The following CUL4A variants were observed in gnomAD, a reference collection of about 807,000 sequenced individuals.
CUL4A encodes the protein cullin 4A.
CUL4A carries 16 observed loss-of-function variants against 95.5 expected under a neutral mutation model. The ratio of observed to expected loss-of-function variants is 0.17; its 90% CI spans 0.11 to 0.25. The LOEUF (loss-of-function observed/expected upper bound fraction) is 0.25, where lower values mean the gene tolerates loss of function less well. CUL4A is among the 10% of genes least tolerant of loss of function. The pLI is 1.00. For missense variants in CUL4A, 610 were observed against 937.0 expected (o/e 0.65, Z 4.56); for synonymous variants, 380 against 353.1 (o/e 1.08, Z -0.85).
chr13:113,238,801 G>T lies in CUL4A; in HGVS notation c.917-632G>T, dbSNP rs117008455. Among the ~76,000 whole-genome samples, 318 of 152,260 alleles carry T rather than the reference G, an allele frequency of 2.1e-3. 3 individuals are homozygous for T. The East Asian group carries it at 0.036, about 17-fold the overall frequency. ...GTGTAGGCAGAATCTGAGACTTTGT[G>T]AATTGTATGACTGTTCACCATTTTA... On this transcript the variant is annotated intron_variant, in intron 9 of 19. Transcript: ENST00000375440.
chr13:113,210,626 T>G (rs1249865725), intron 2 of CUL4A, among the ~76,000 whole-genome samples: 1 of 152,256 alleles, frequency 6.6e-6, no homozygotes, highest in Non-Finnish European at 1.5e-5. Flanking sequence ...GTGTTCCGTT[T>G]CTGAAGTAAC....
chr13:113,264,305 A>G lies in CUL4A; in HGVS notation c.*723A>G, dbSNP rs925040472. 20 of 152,078 alleles carry G rather than the reference A, an allele frequency of 1.3e-4. No individual in the cohort carries two copies. The highest frequency in any genetic ancestry group is 4.3e-4 in the African/African-American group (18 of 41,394). The allele number at this position is 152,078 out of a possible 1,614,324, so 9.4% of individuals were successfully genotyped here. A position where few individuals can be genotyped will look rare whatever the true frequency, so the allele number is the denominator to read the frequency against. ...TTGGGGCTAGTGTGTTTGTGTTTCCATTCTAAGATTGAGTCTGGCAGTCCC... is the reference window on the plus strand; with the variant it reads ...TTGGGGCTAGTGTGTTTGTGTTTCCGTTCTAAGATTGAGTCTGGCAGTCCC... On this transcript the variant is annotated 3_prime_UTR_variant, in exon 20 of 20. Transcript: ENST00000375440.
At chr13:113,229,318 C>A in intron 4 of CUL4A, 128 bp from the exon 5 acceptor site, 3 of 690,278 alleles carry the variant, frequency 4.3e-6, no homozygotes, top group East Asian at 2.8e-5. Flanking sequence ...AAAAATAAAA[C>A]ATGAGGGCTG....
In CUL4A at chr13:113,246,012, A is replaced by G. The variant is rs753744152; in HGVS notation, c.1587A>G (p.Thr529=). 11 of 1,614,060 alleles carry G rather than the reference A, an allele frequency of 6.8e-6. No homozygotes were observed. The South Asian group carries it at 1.2e-4, about 18-fold the overall frequency. ...TAGACCTCACAGTGAACATACTCAC[A>G]ATGGGCTACTGGCCAACATACACGC... ...GPIDLTVNIL[T]MGYWPTYTPM... Residue 529 remains threonine (T), a synonymous_variant, in exon 15 of 20, where the codon ACA becomes ACG. Transcript: ENST00000375440.
At position 113,246,079 on chromosome 13, in the gene CUL4A, G is replaced by A. The variant is rs758683146; in HGVS notation, c.1638+16G>A. The A allele has an allele frequency of 5.0e-6, 8 of 1,591,216 alleles. No individual in the cohort carries two copies. Among genetic ancestry groups the A allele is most frequent in the South Asian group, 1.1e-5 (1 of 90,282 alleles). On this transcript the variant is annotated intron_variant, in intron 15 of 19. Transcript: ENST00000375440. ...AACCCCAGAAGTAAGTGTGCAGAAAGCATGCTGTCCGCTCCCGCTGTCATG... is the reference window on the plus strand; with the variant it reads ...AACCCCAGAAGTAAGTGTGCAGAAAACATGCTGTCCGCTCCCGCTGTCATG...
chr13:113,236,824 A>G lies in CUL4A; in HGVS notation c.850A>G (p.Lys284Glu), dbSNP rs1406306862. The change falls in exon 9 of 20, where the codon AAA becomes GAA. Residue 284 changes from lysine (K) to glutamate (E), a missense_variant and splice_region_variant. This residue lies in a region of CUL4A where 153 missense variants were observed against 244.5 expected (regional missense o/e 0.63). Transcript: ENST00000375440. ...VITYLDHSTQ[K>E]PLIACVEKQL... is the part of the protein sequence containing the mutation. ...GCTTATTCTTTTTACCTTATATAGG[A>G]AACCACTGATTGCTTGTGTGGAGAA... is the stretch of plus-strand genomic sequence containing the variant. The G allele has an allele frequency of 1.2e-6, 2 of 1,605,052 alleles. No homozygotes were observed. Among genetic ancestry groups the G allele is most frequent in the Non-Finnish European group, 1.7e-6 (2 of 1,173,298 alleles).
At chr13:113,215,691 G>A (rs563439108) in intron 2 of CUL4A, among the ~76,000 whole-genome samples, 15 of 149,858 alleles carry the variant, frequency 1.0e-4, no homozygotes, top group African/African-American at 2.5e-4. Flanking sequence ...TGGAGGTCGC[G>A]TCCCATGTGG....
At chr13:113,250,262 G>T (rs2041959917) in intron 15 of CUL4A, among the ~76,000 whole-genome samples, 1 of 152,072 alleles carries the variant, frequency 6.6e-6, no homozygotes, top group South Asian at 2.1e-4. Context: ...GAACAGCCTA[G>T]ACGACATGGT....
chr13:113,258,252 A>G (rs1295151794), intron 18 of CUL4A, among the ~76,000 whole-genome samples: 1 of 152,020 alleles, frequency 6.6e-6, no homozygotes. Context: ...TGACCCCCCA[A>G]AGTGCTGGGA....
At chr13:113,247,618 G>C (rs576086991) in intron 15 of CUL4A, among the ~76,000 whole-genome samples, 4 of 152,096 alleles carry the variant, frequency 2.6e-5, no homozygotes, top group Non-Finnish European at 4.4e-5. Context: ...GAGAACTTTG[G>C]GGGAGAAGGT....
chr13:113,237,276 A>G (rs1455531171), intron 9 of CUL4A, among the ~76,000 whole-genome samples: 1 of 152,140 alleles, frequency 6.6e-6, no homozygotes, highest in Non-Finnish European at 1.5e-5. Flanking sequence ...TCGGGCTGTT[A>G]GATTTTCGTG....
At chr13:113,228,537 C>T (rs921523926) in intron 4 of CUL4A, among the ~76,000 whole-genome samples, 5 of 152,060 alleles carry the variant, frequency 3.3e-5, no homozygotes, top group African/African-American at 7.2e-5. Flanking sequence ...CAGTAGGAGA[C>T]GATGGGTGTA....
intron 18 of CUL4A, among the ~76,000 whole-genome samples, chr13:113,259,482 G>A (rs548182489): frequency 1.8e-4 from 27 of 152,252 alleles, no homozygotes; most frequent in African/African-American, 6.5e-4. Flanking sequence ...TTTGCTGTTT[G>A]TTTCTGATAA....
intron 16 of CUL4A, among the ~76,000 whole-genome samples, chr13:113,254,284 G>A (rs1287772895): frequency 6.6e-6 from 1 of 152,124 alleles, no homozygotes; most frequent in Non-Finnish European, 1.5e-5. Context: ...GATATATAAG[G>A]CCAAATTGCA....
At chr13:113,233,409 C>G (rs2041428759) in intron 6 of CUL4A, 70 bp downstream of exon 6, 1 of 1,394,422 alleles carries the variant, frequency 7.2e-7, no homozygotes, top group South Asian at 1.3e-5. Flanking sequence ...AATGGTTGTA[C>G]CAAAGATGTT....
intron 2 of CUL4A, among the ~76,000 whole-genome samples, chr13:113,211,569 G>C (rs2040446303): frequency 6.6e-6 from 1 of 152,148 alleles, no homozygotes; most frequent in African/African-American, 2.4e-5. Context: ...ATTTTTAGTA[G>C]AGTCGGGGTT....
At chr13:113,226,155 A>G (rs2041097770) in intron 3 of CUL4A, among the ~76,000 whole-genome samples, 1 of 152,114 alleles carries the variant, frequency 6.6e-6, no homozygotes. Flanking sequence ...ACTCGTTGCC[A>G]CCCTGAGACT....
chr13:113,218,917 A>G, intron 2 of CUL4A, 28 bp from the exon 3 acceptor site: 1 of 1,477,054 alleles, frequency 6.8e-7, no homozygotes, highest in South Asian at 1.2e-5. Context: ...TTCATACTGA[A>G]GAATTGATGT....
chr13:113,253,232 A>G (rs1180509064), intron 16 of CUL4A, 37 bp downstream of exon 16: 5 of 1,131,078 alleles, frequency 4.4e-6, no homozygotes, highest in Admixed American at 5.1e-5. Flanking sequence ...TATTATTTGT[A>G]AATATGTTAA....
Sources: gnomAD v4.1 joint callset for allele counts (sites outside exome capture counted in the v4.1 genomes callset) on GRCh38, gnomAD v4.1.1 for gene constraint, gnomAD v4.1.1 regional missense constraint, MANE v1.5 for transcripts, NCBI Gene and HGNC (gene_info 2026-07-23, HGNC 2026-07-21) for gene names.